REPS2: variants seen among roughly 807,000 people sequenced by gnomAD.
REPS2 encodes the protein RALBP1 associated Eps domain containing 2.
Under a neutral mutation model 53.6 loss-of-function variants are expected in REPS2, and 23 were observed. The observed-to-expected ratio is 0.43, with a 90% CI of 0.31 to 0.61. The LOEUF (loss-of-function observed/expected upper bound fraction) is 0.61. REPS2 is among the 20% of genes least tolerant of loss of function. The pLI is 0.11. For missense variants in REPS2, 446 were observed against 534.9 expected, an observed-to-expected ratio of 0.83 and a Z score of 1.64; for synonymous variants, 238 against 218.6, an observed-to-expected ratio of 1.09 and a Z score of -0.78.
chrX:17,112,871 G>A (rs529652893), intron 14 of REPS2, among the ~76,000 whole-genome samples: 3 of 108,965 alleles, frequency 2.8e-5, no homozygotes, highest in Admixed American at 9.9e-5. Context: ...GGTGGATCAC[G>A]AGGTCAGGAG....
chrX:17,061,243 C>CTGTA (rs1228191050), intron 8 of REPS2, among the ~76,000 whole-genome samples: 10 of 112,114 alleles, frequency 8.9e-5, no homozygotes, highest in Non-Finnish European at 7.5e-5. Flanking sequence ...TACTTACTTA[C>CTGTA]TGTATGTATG....
At chrX:16,996,811 T>C (rs931048582) in intron 1 of REPS2, among the ~76,000 whole-genome samples, 1 of 112,287 alleles carries the variant, frequency 8.9e-6, no homozygotes, top group Admixed American at 9.4e-5. Flanking sequence ...ACTTGAAATA[T>C]CCTGGCTTGC....
intron 1 of REPS2, among the ~76,000 whole-genome samples, chrX:17,003,482 C>T (rs776666616): frequency 9.0e-6 from 1 of 111,253 alleles, no homozygotes; most frequent in African/African-American, 3.3e-5. Flanking sequence ...CCCAGAAGCC[C>T]TTTGAAGTTG....
intron 13 of REPS2, among the ~76,000 whole-genome samples, chrX:17,101,214 T>C (rs1000308604): frequency 6.4e-5 from 7 of 108,949 alleles, no homozygotes; most frequent in Admixed American, 9.8e-5. Context: ...CCACCATGCC[T>C]GGCTAATTTT....
chrX:17,005,314 A>G (rs946839942), intron 1 of REPS2, among the ~76,000 whole-genome samples: 1 of 111,537 alleles, frequency 9.0e-6, no homozygotes, highest in African/African-American at 3.3e-5. Flanking sequence ...ATAATTAATT[A>G]TAATGTGATA....
In REPS2 at chrX:17,138,938, A is replaced by G; in HGVS notation, c.1891A>G (p.Ser631Gly). ...AAACGCAGTGCTGGCTCGGCTGAACAGTGAGCTCCAGCAGCAGCTCAAGGT... is the reference window on the plus strand; with the variant it reads ...AAACGCAGTGCTGGCTCGGCTGAACGGTGAGCTCCAGCAGCAGCTCAAGGT... ...EANAVLARLN[S>G]ELQQQLKEVH... Residue 631 changes from serine to glycine, a missense_variant, in exon 17 of 18, where the codon AGT (serine) becomes GGT (glycine). Physicochemically the swap from Ser to Gly is moderately conservative, Grantham distance 56 (BLOSUM62 0). Coordinates refer to ENST00000357277, the MANE Select transcript of REPS2 (RefSeq NM_004726.3). 8.4e-7 allele frequency: 1 copy of G among 1,192,314 alleles called. No individual in the cohort carries two copies. The highest frequency in any genetic ancestry group is 1.1e-6 in the Non-Finnish European group (1 of 884,955).
chrX:17,132,034 A>G (rs967081289), intron 14 of REPS2, among the ~76,000 whole-genome samples: 6 of 110,790 alleles, frequency 5.4e-5, no homozygotes, highest in African/African-American at 1.6e-4. Context: ...CCCTCCTTCA[A>G]TGGACTTCCA....
chrX:17,082,562 C>A (rs2062471923), intron 13 of REPS2, among the ~76,000 whole-genome samples: 1 of 112,357 alleles, frequency 8.9e-6, no homozygotes, highest in Non-Finnish European at 1.9e-5. Context: ...CCTATCTCTG[C>A]TTTAGATATA....
chrX:17,129,942 A>G (rs1437896868), intron 14 of REPS2, among the ~76,000 whole-genome samples: 1 of 111,962 alleles, frequency 8.9e-6, no homozygotes, highest in Non-Finnish European at 1.9e-5. Context: ...TGCCTGCTGC[A>G]AGATATTGCT....
the REPS2 span, among the ~76,000 whole-genome samples, chrX:17,189,293 T>TC: frequency 9.2e-6 from 1 of 108,164 alleles, no homozygotes; most frequent in East Asian, 2.9e-4. Context: ...TTTTTTTCTT[T>TC]TTTTTTTTTT....
At chrX:16,998,014 G>T (rs185373524) in intron 1 of REPS2, among the ~76,000 whole-genome samples, 23 of 111,480 alleles carry the variant, frequency 2.1e-4, no homozygotes, top group African/African-American at 7.5e-4. Context: ...GGAGGCCAAG[G>T]TAAGCAGATT....
intron 2 of REPS2, among the ~76,000 whole-genome samples, chrX:17,016,234 C>T (rs913583859): frequency 2.1e-4 from 23 of 111,101 alleles, no homozygotes; most frequent in Admixed American, 7.6e-4. Flanking sequence ...CTGTTCATAT[C>T]CTTCGCCCAC....
At chrX:17,172,929 C>T in the REPS2 span, among the ~76,000 whole-genome samples, 69 of 109,723 alleles carry the variant, frequency 6.3e-4, no homozygotes, top group Non-Finnish European at 1.2e-3. Context: ...AAATCAAAGT[C>T]ATTCCAAATT....
the REPS2 span, among the ~76,000 whole-genome samples, chrX:17,183,182 AT>A: frequency 8.9e-6 from 1 of 112,303 alleles, no homozygotes; most frequent in Non-Finnish European, 1.9e-5. Context: ...TATTCACAAA[AT>A]TGTAAAAACA....
Position 16,964,503 on chromosome X carries a change from ACCG to A in REPS2, c.273+17372_273+17374del, listed in dbSNP as rs1188478457. On this transcript the variant is annotated intron_variant, in intron 1 of 17. Transcript: ENST00000357277. Reference sequence around the variant, plus strand: ...CTTTCCCCCCTTTCTATTCTACAAAACCGCCATTGTCATCATGGCCCGTTCTCA... The same window carrying A: ...CTTTCCCCCCTTTCTATTCTACAAAACCATTGTCATCATGGCCCGTTCTCA... Among the ~76,000 whole-genome samples the A allele has an allele frequency of 4.3e-3, 463 of 108,599 alleles. 2 individuals carry two copies. The highest frequency in any genetic ancestry group is 0.015 in the African/African-American group (443 of 29,714). The allele number at this position is 108,599 out of a possible 115,157, so 94.3% of individuals were successfully genotyped here.
In REPS2 at chrX:16,993,729, G is replaced by A. The variant is rs1347013428; in HGVS notation, c.274-12492G>A. Among the ~76,000 whole-genome samples the A allele has an allele frequency of 2.9e-4, 33 of 112,201 alleles. No individual in the cohort carries two copies. The Admixed American group carries it at 3.1e-3, about 11-fold the overall frequency. On this transcript the variant is annotated intron_variant, in intron 1 of 17. Coordinates refer to ENST00000357277, the MANE Select transcript of REPS2 (RefSeq NM_004726.3). ...AATGCTGTTGCTTTAAGGCACTTAAGTTTTGGGGTGGTGTGTTATACAGTA... is the reference window on the plus strand; with the variant it reads ...AATGCTGTTGCTTTAAGGCACTTAAATTTTGGGGTGGTGTGTTATACAGTA...
At chrX:16,963,590 A>T (rs2060693007) in intron 1 of REPS2, among the ~76,000 whole-genome samples, 1 of 112,424 alleles carries the variant, frequency 8.9e-6, no homozygotes, top group Non-Finnish European at 1.9e-5. Context: ...AAAGGCAGGC[A>T]GTGGTGCTCT....
chrX:17,102,194 G>T (rs748985208), intron 13 of REPS2, among the ~76,000 whole-genome samples: 11 of 110,600 alleles, frequency 9.9e-5, no homozygotes, highest in Non-Finnish European at 1.5e-4. Context: ...TGATCCTTCC[G>T]TCTCAGCCTC....
chrX:17,196,125 A>G, the REPS2 span, among the ~76,000 whole-genome samples: 1 of 112,133 alleles, frequency 8.9e-6, no homozygotes, highest in African/African-American at 3.2e-5. Flanking sequence ...AGATTATGCA[A>G]TAAGATGAAG....
Sources: allele counts gnomAD v4.1 joint callset (sites outside exome capture counted in the v4.1 genomes callset), GRCh38; gene constraint gnomAD v4.1.1; transcripts MANE v1.5; gene names NCBI Gene and HGNC (gene_info 2026-07-23, HGNC 2026-07-21).